The following SORL1 variants were observed in gnomAD, a reference collection of about 807,000 sequenced individuals.
SORL1 encodes the protein sortilin related receptor 1.
In SORL1, 127 loss-of-function variants were observed where a neutral mutation model predicts 273.7. The observed-to-expected ratio is 0.46, with a 90% CI of 0.40 to 0.54. SORL1 has a LOEUF of 0.54. Ranked by LOEUF, SORL1 falls within the 20% of genes least tolerant of loss-of-function variation. The pLI is 0.00. For synonymous variants in SORL1, 1,031 were observed against 1,067.4 expected (o/e 0.97, Z 0.66); for missense variants, 2,494 against 2,846.1 (o/e 0.88, Z 2.81).
At chr11:121,565,012 A>G (rs1012266883) in intron 21 of SORL1, among the ~76,000 whole-genome samples, 3 of 152,156 alleles carry the variant, frequency 2.0e-5, no homozygotes, top group Non-Finnish European at 4.4e-5. Flanking sequence ...TGGTGGCTCT[A>G]TGTCAATTCT....
intron 21 of SORL1, among the ~76,000 whole-genome samples, chr11:121,564,159 C>T (rs955659633): frequency 6.6e-6 from 1 of 152,226 alleles, no homozygotes; most frequent in Non-Finnish European, 1.5e-5. Flanking sequence ...AGACAATTGT[C>T]ATCCTGTATA....
At chr11:121,486,035 A>G (rs1406944703) in intron 3 of SORL1, among the ~76,000 whole-genome samples, 1 of 152,228 alleles carries the variant, frequency 6.6e-6, no homozygotes, top group Non-Finnish European at 1.5e-5. Flanking sequence ...AGACAAGTGC[A>G]AAGTGCTGGT....
At chr11:121,499,314 A>G (rs596437) in intron 6 of SORL1, among the ~76,000 whole-genome samples, 61,061 of 151,966 alleles carry the variant, frequency 0.4, 12,698 homozygotes, top group East Asian at 0.55. Context: ...GGTCAGTGGT[A>G]TTAGTGAGAG....
Position 121,579,688 on chromosome 11 carries a change from A to G in SORL1, c.3580+2288A>G, listed in dbSNP as rs552813813. The stretch of plus-strand genomic sequence containing the variant: ...TACTAAAATACCTAGTATTTTAAAC[A>G]CTAAATATTTAGTATTTTAGTTTTA... On this transcript the variant is annotated intron_variant, in intron 25 of 47. Transcript: ENST00000260197. Among the ~76,000 whole-genome samples the G allele has an allele frequency of 9.8e-5, 15 of 152,356 alleles. No homozygotes were observed. The South Asian group carries it at 3.1e-3, about 32-fold the overall frequency.
chr11:121,577,947 G>A (rs942435709), intron 25 of SORL1, among the ~76,000 whole-genome samples: 2 of 152,178 alleles, frequency 1.3e-5, no homozygotes, highest in African/African-American at 4.8e-5. Context: ...GTGGATGAAT[G>A]GTGGCCAGAT....
chr11:121,518,885 T>A (rs369588409), intron 8 of SORL1, among the ~76,000 whole-genome samples: 1 of 152,102 alleles, frequency 6.6e-6, no homozygotes, highest in East Asian at 1.9e-4. Flanking sequence ...TTTCTCGGCT[T>A]TATTGTGTAG....
intron 32 of SORL1, 50 bp from the exon 33 acceptor site, chr11:121,604,143 G>C (rs1420090654): frequency 1.9e-6 from 3 of 1,605,428 alleles, no homozygotes; most frequent in Non-Finnish European, 2.6e-6. Context: ...CCAGCCTTTA[G>C]TACCATACGG....
At position 121,618,886 on chromosome 11, in the gene SORL1, T is replaced by C. The variant is rs1413883851; in HGVS notation, c.5717T>C (p.Leu1906Ser). Residue 1906 changes from leucine to serine, a missense_variant, in exon 42 of 48, where the codon TTG (leucine) becomes TCG (serine). Around this residue, in one of 3 missense-constraint regions of SORL1, gnomAD observed 1,609 missense variants for 1,816.4 expected, o/e 0.89. Transcript: ENST00000260197. ...TVIVSKDEQY[L>S]FLVRVVVPYQ... Reference sequence around the variant, plus strand: ...ATTGTCAGTAAGGATGAGCAGTATTTGTTTCTGGTAAGTTTCCCATACCGT... The same window carrying C: ...ATTGTCAGTAAGGATGAGCAGTATTCGTTTCTGGTAAGTTTCCCATACCGT... The C allele has an allele frequency of 1.2e-6, 2 of 1,614,150 alleles. No homozygotes were observed. The highest frequency in any genetic ancestry group is 3.3e-5 in the Admixed American group (2 of 60,018).
rs372307096 is a variant in SORL1 at position 121,466,976 on chromosome 11, TAACA to T, written c.286-3022_286-3019del. ...AAAAAAAGAAGAGAAAGAAACAAAG[TAACA>T]AACAAACAGGTGTTTTACCAGGCTT... On this transcript the variant is annotated intron_variant, in intron 1 of 47. Coordinates refer to ENST00000260197, the MANE Select transcript of SORL1 (RefSeq NM_003105.6). 2.9e-3 allele frequency among the ~76,000 whole-genome samples: 445 copies of T among 151,542 alleles called. 1 individual carries two copies. The highest frequency in any genetic ancestry group is 0.01 in the African/African-American group (425 of 41,354).
chr11:121,570,671 T>C (rs1448324789), intron 23 of SORL1, among the ~76,000 whole-genome samples: 1 of 152,194 alleles, frequency 6.6e-6, no homozygotes, highest in African/African-American at 2.4e-5. Context: ...TTTTTAGGGA[T>C]GGGAAATGAG....
At chr11:121,582,304 A>G (rs1286357459) in intron 25 of SORL1, among the ~76,000 whole-genome samples, 1 of 152,258 alleles carries the variant, frequency 6.6e-6, no homozygotes, top group Non-Finnish European at 1.5e-5. Flanking sequence ...TCAGTTGAAT[A>G]GAAAACTATA....
Position 121,621,046 on chromosome 11 carries a change from G to A in SORL1, c.5890-18G>A, listed in dbSNP as rs746713186. 11 of 1,564,074 alleles carry A rather than the reference G, an allele frequency of 7.0e-6. No homozygotes were observed. In the East Asian group the frequency reaches 2.0e-4, roughly 29 times the overall value. On this transcript the variant is annotated intron_variant, in intron 43 of 47. Transcript: ENST00000260197. ...TCAACTTTCTGATTATCATTCACTT[G>A]TTCTTTTTTGGTCCTAGTTGTATGC...
At chr11:121,511,455 C>T (rs1861876300) in intron 6 of SORL1, among the ~76,000 whole-genome samples, 1 of 152,190 alleles carries the variant, frequency 6.6e-6, no homozygotes, top group Non-Finnish European at 1.5e-5. Flanking sequence ...TTAAACTAAT[C>T]ATCTGACATA....
In SORL1 at chr11:121,522,937, C is replaced by A; in HGVS notation, c.1544C>A (p.Ala515Asp). The change falls in exon 11 of 48, where the codon GCT (alanine) becomes GAT (aspartate). Residue 515 changes from alanine to aspartate, a missense_variant. Transcript: ENST00000260197. ...TTAGGCTCAGTGGGAAAGAACTTGG[C>A]TAGCAAGACAAACGTGTACATCTCT... ...IATGSVGKNLASKTNVYISSS... is the reference protein window; with the variant it reads ...IATGSVGKNLDSKTNVYISSS... 6.2e-7 allele frequency: 1 copy of A among 1,613,824 alleles called. No individual in the cohort carries two copies. Among genetic ancestry groups the A allele is most frequent in the Non-Finnish European group, 8.5e-7 (1 of 1,179,704 alleles).
At chr11:121,590,366 C>A in intron 30 of SORL1, 192 bp downstream of exon 30, 1 of 574,964 alleles carries the variant, frequency 1.7e-6, no homozygotes, top group Non-Finnish European at 3.0e-6. Context: ...TATTTTCAGG[C>A]TATTTATTCC....
At chr11:121,583,436 G>C (rs546005895) in intron 25 of SORL1, 22 bp from the exon 26 acceptor site, 4 of 1,605,186 alleles carry the variant, frequency 2.5e-6, no homozygotes, top group Admixed American at 3.4e-5. Flanking sequence ...GTGTGCGACT[G>C]TGTCTCTCTT....
At chr11:121,483,823 C>A (rs138788440) in intron 3 of SORL1, among the ~76,000 whole-genome samples, 124 of 152,128 alleles carry the variant, frequency 8.2e-4, no homozygotes, top group Middle Eastern at 3.4e-3. Flanking sequence ...ATGAATGTAA[C>A]CTACAAATAA....
intron 8 of SORL1, among the ~76,000 whole-genome samples, chr11:121,517,209 A>G (rs1861968166): frequency 6.6e-6 from 1 of 152,146 alleles, no homozygotes; most frequent in African/African-American, 2.4e-5. Flanking sequence ...AGAGAACCCC[A>G]TGCCCATTAA....
At chr11:121,545,550 AT>A in intron 14 of SORL1, 121 bp downstream of exon 14, 1 of 884,098 alleles carries the variant, frequency 1.1e-6, no homozygotes, top group African/African-American at 1.7e-5. Flanking sequence ...GGAAACAAGT[AT>A]TTGTGAAGCA....
Sources: allele counts gnomAD v4.1 joint callset (sites outside exome capture counted in the v4.1 genomes callset), GRCh38; gene constraint gnomAD v4.1.1; regional missense constraint gnomAD v4.1.1; transcripts MANE v1.5; gene names NCBI Gene and HGNC (gene_info 2026-07-23, HGNC 2026-07-21).